ABCA4: variants seen among roughly 807,000 people sequenced by gnomAD.
ABCA4 encodes ATP binding cassette subfamily A member 4, also known as retinal-specific phospholipid-transporting ATPase ABCA4.
A neutral mutation model predicts 263.7 loss-of-function variants in ABCA4; 196 were observed. The observed-to-expected ratio is 0.74, with a 90% CI of 0.66 to 0.84. ABCA4 has a LOEUF of 0.84. Ranked by LOEUF, ABCA4 falls within the 40% of genes least tolerant of loss-of-function variation. ABCA4 has a pLI of 0.00. For missense variants in ABCA4, 2,792 were observed against 2,855.1 expected (o/e 0.98, Z 0.50); for synonymous variants, 1,133 against 1,094.2 (o/e 1.04, Z -0.70).
rs1397771298 is a variant in ABCA4, at chr1:94,121,103, G to T, written c.-58C>A. On this transcript the variant is annotated 5_prime_UTR_variant, in exon 1 of 50. Coordinates refer to ENST00000370225, the MANE Select transcript of ABCA4 (RefSeq NM_000350.3). The stretch of plus-strand genomic sequence containing the variant: ...AGCTGAGGCCCCTCAGACAGCAAAG[G>T]ACATAAACGCCGTTAAGAGCGCCTC... 6.5e-7 allele frequency: 1 copy of T among 1,540,732 alleles called. No homozygotes were observed. The highest frequency in any genetic ancestry group is 9.0e-7 in the Non-Finnish European group (1 of 1,113,256).
At chr1:94,090,030 A>C (rs1661929934) in intron 6 of ABCA4, among the ~76,000 whole-genome samples, 2 of 152,088 alleles carry the variant, frequency 1.3e-5, no homozygotes, top group Admixed American at 1.3e-4. Context: ...TCACTCCCAC[A>C]CCCACACTCA....
At chr1:94,009,785 A>G (rs1418497756) in intron 40 of ABCA4, among the ~76,000 whole-genome samples, 6 of 152,212 alleles carry the variant, frequency 3.9e-5, no homozygotes, top group African/African-American at 1.2e-4. Context: ...TAATGAGTCA[A>G]TTTGGGTAGT....
chr1:94,050,117 T>C (rs977807517), intron 17 of ABCA4, among the ~76,000 whole-genome samples: 2 of 152,230 alleles, frequency 1.3e-5, no homozygotes, highest in African/African-American at 4.8e-5. Flanking sequence ...CAGCAGGTAG[T>C]GGGCCTGCTG....
chr1:94,037,456 G>A, intron 24 of ABCA4, 106 bp from the exon 25 acceptor site: 1 of 1,024,062 alleles, frequency 9.8e-7, no homozygotes, highest in Non-Finnish European at 1.5e-6. Context: ...TGAAGAAGAG[G>A]TATTTTGTAT....
At chr1:94,105,781 A>G (rs908426144) in intron 4 of ABCA4, among the ~76,000 whole-genome samples, 8 of 152,094 alleles carry the variant, frequency 5.3e-5, no homozygotes, top group Admixed American at 1.3e-4. Context: ...TTTTACCATT[A>G]ATCCTCCCTG....
At chr1:94,089,470 ATTTTT>A (rs60711208) in intron 6 of ABCA4, among the ~76,000 whole-genome samples, 1 of 141,772 alleles carries the variant, frequency 7.1e-6, no homozygotes, top group African/African-American at 2.6e-5. Flanking sequence ...TTTCTTTTCT[ATTTTT>A]TTTTTTTTTT....
intron 13 of ABCA4, 143 bp downstream of exon 13, chr1:94,062,434 G>A: frequency 1.1e-6 from 1 of 941,150 alleles, no homozygotes; most frequent in Non-Finnish European, 1.6e-6. Flanking sequence ...CTCAGTCAGA[G>A]CTCCATGCTC....
chr1:94,079,432 G>A lies in ABCA4; in HGVS notation c.1129C>T (p.Leu377=). ...TSFCNALIQS[L]ESNPLTKIAW... The stretch of plus-strand genomic sequence containing the variant: ...ATTTTGGTTAAAGGATTTGACTCCA[G>A]GCTCTGGATCAATGCATTACAAAAG... The change falls in exon 9 of 50, where the codon CTG becomes TTG. Residue 377 remains leucine, a synonymous_variant. Coordinates refer to ENST00000370225, the MANE Select transcript of ABCA4 (RefSeq NM_000350.3). The A allele has an allele frequency of 6.2e-7, 1 of 1,614,200 alleles. No individual in the cohort carries two copies. The highest frequency in any genetic ancestry group is 8.5e-7 in the Non-Finnish European group (1 of 1,180,036).
At chr1:94,034,421 C>T (rs1194249801) in intron 26 of ABCA4, among the ~76,000 whole-genome samples, 2 of 152,030 alleles carry the variant, frequency 1.3e-5, no homozygotes, top group African/African-American at 4.8e-5. Flanking sequence ...ATGATGTTCT[C>T]AGGCAGTAAC....
chr1:94,061,981 C>A (rs1570392457), intron 13 of ABCA4, among the ~76,000 whole-genome samples: 3 of 152,196 alleles, frequency 2.0e-5, no homozygotes, highest in South Asian at 2.1e-4. Context: ...TACCACCCCC[C>A]AAATCCATAT....
chr1:94,014,292 A>G (rs1659657161), intron 38 of ABCA4, among the ~76,000 whole-genome samples: 1 of 149,142 alleles, frequency 6.7e-6, no homozygotes, highest in South Asian at 2.2e-4. Flanking sequence ...GAAGGAAGGA[A>G]GGAAGCAATG....
At position 94,042,791 on chromosome 1, in the gene ABCA4, T is replaced by C. The variant is rs572604704; in HGVS notation, c.3298A>G (p.Ile1100Val). 9 of 1,614,188 alleles carry C rather than the reference T, an allele frequency of 5.6e-6. No homozygotes were observed. The Admixed American group carries it at 8.3e-5, about 15-fold the overall frequency. Residue 1100 changes from isoleucine to valine, a missense_variant, in exon 22 of 50, where the codon ATC (isoleucine) becomes GTC (valine). Physicochemically the swap from Ile to Val is conservative, Grantham distance 29. Coordinates refer to ENST00000370225, the MANE Select transcript of ABCA4 (RefSeq NM_000350.3). Reference protein sequence around the residue: ...SGVDPYSRRSIWDLLLKYRSG... With the variant: ...SGVDPYSRRSVWDLLLKYRSG... ...CGATACTTCAGGAGCAGATCCCAGA[T>C]TGAGCGTCTCGAGTAAGGGTCCACC... is the stretch of plus-strand genomic sequence containing the variant.
chr1:94,076,418 T>C (rs1251674315), intron 11 of ABCA4, among the ~76,000 whole-genome samples: 1 of 152,228 alleles, frequency 6.6e-6, no homozygotes, highest in Non-Finnish European at 1.5e-5. Context: ...GGCTTCCAAC[T>C]CTTGGATCCT....
At chr1:94,049,220 A>T (rs2101060289) in intron 17 of ABCA4, among the ~76,000 whole-genome samples, 1 of 152,338 alleles carries the variant, frequency 6.6e-6, no homozygotes, top group Admixed American at 6.5e-5. Flanking sequence ...GATTTTAAAA[A>T]AATTAAGAAA....
intron 27 of ABCA4, 58 bp from the exon 28 acceptor site, chr1:94,031,178 G>T: frequency 6.2e-7 from 1 of 1,603,556 alleles, no homozygotes; most frequent in Non-Finnish European, 8.5e-7. Context: ...TCACACGTGC[G>T]CGTGCACACA....
intron 4 of ABCA4, among the ~76,000 whole-genome samples, chr1:94,106,429 G>A (rs1662435183): frequency 6.6e-6 from 1 of 152,152 alleles, no homozygotes; most frequent in African/African-American, 2.4e-5. Context: ...CTGGATGCAT[G>A]AGGTATGTCA....
intron 17 of ABCA4, among the ~76,000 whole-genome samples, chr1:94,050,562 G>A (rs1309671034): frequency 6.6e-6 from 1 of 152,120 alleles, no homozygotes; most frequent in Non-Finnish European, 1.5e-5. Flanking sequence ...TTTTCCTTAT[G>A]ATTTCTTTTT....
chr1:94,088,465 C>T (rs139266443), intron 6 of ABCA4, among the ~76,000 whole-genome samples: 1 of 152,338 alleles, frequency 6.6e-6, no homozygotes, highest in East Asian at 1.9e-4. Flanking sequence ...AGACCTCTCC[C>T]CAGAGCTTCA....
chr1:94,064,466 T>C (rs1024417876), intron 11 of ABCA4, among the ~76,000 whole-genome samples: 2 of 151,718 alleles, frequency 1.3e-5, no homozygotes, highest in African/African-American at 4.8e-5. Context: ...GAGAGGAAAG[T>C]GGGGGAAAGG....
Sources: allele counts gnomAD v4.1 joint callset (sites outside exome capture counted in the v4.1 genomes callset), GRCh38; gene constraint gnomAD v4.1.1; transcripts MANE v1.5; gene names NCBI Gene and HGNC (gene_info 2026-07-23, HGNC 2026-07-21).